The following MAP2 variants were observed in gnomAD, a reference collection of about 807,000 sequenced individuals.
The protein encoded by MAP2 is microtubule-associated protein 2.
A neutral mutation model predicts 137.6 loss-of-function variants in MAP2; 14 were observed. That is an observed-to-expected ratio of 0.10 (90% confidence interval 0.07 to 0.16). MAP2 has a LOEUF of 0.16. Among genes scored for constraint, MAP2 ranks in the 10% least tolerant of loss-of-function variants. The pLI, the probability that MAP2 is intolerant of heterozygous loss-of-function variation, is 1.00. For missense variants in MAP2, 2,088 were observed against 2,191.5 expected, an observed-to-expected ratio of 0.95 and a Z score of 0.94; for synonymous variants, 786 against 782.3, an observed-to-expected ratio of 1.00 and a Z score of -0.08.
At chr2:209,718,749 A>C (rs572497052) in intron 13 of MAP2, among the ~76,000 whole-genome samples, 2 of 152,340 alleles carry the variant, frequency 1.3e-5, no homozygotes, top group Admixed American at 1.3e-4. Context: ...ATGTGTATTT[A>C]AATATACATA....
At chr2:209,615,647 G>A (rs2088989126) in intron 3 of MAP2, among the ~76,000 whole-genome samples, 2 of 152,142 alleles carry the variant, frequency 1.3e-5, no homozygotes, top group Non-Finnish European at 2.9e-5. Context: ...GTGGCAGGAG[G>A]CAGCCAAATG....
intron 13 of MAP2, among the ~76,000 whole-genome samples, chr2:209,717,484 G>C (rs956680370): frequency 6.6e-6 from 1 of 152,094 alleles, no homozygotes; most frequent in African/African-American, 2.4e-5. Flanking sequence ...CGGATTATTT[G>C]TAGGCCCTTT....
chr2:209,549,446 A>G (rs898114715), intron 2 of MAP2, among the ~76,000 whole-genome samples: 3 of 152,168 alleles, frequency 2.0e-5, no homozygotes, highest in Admixed American at 6.5e-5. Context: ...TGTTTATTGA[A>G]ATCCTCTCTA....
chr2:209,685,687 C>CT (rs1457821938), intron 7 of MAP2, among the ~76,000 whole-genome samples: 2 of 152,080 alleles, frequency 1.3e-5, no homozygotes, highest in Non-Finnish European at 2.9e-5. Flanking sequence ...TTGTGTTGTT[C>CT]TTTTTGTTGT....
chr2:209,703,122 T>C (rs2062259586), intron 11 of MAP2, among the ~76,000 whole-genome samples: 1 of 152,100 alleles, frequency 6.6e-6, no homozygotes, highest in Non-Finnish European at 1.5e-5. Flanking sequence ...TTTTCAGTCC[T>C]GACTTTCCTT....
At chr2:209,487,897 A>G (rs1360639782) in intron 1 of MAP2, among the ~76,000 whole-genome samples, 1 of 152,246 alleles carries the variant, frequency 6.6e-6, no homozygotes, top group East Asian at 1.9e-4. Context: ...AAGGAAAAAC[A>G]AAAGGAACTT....
intron 2 of MAP2, among the ~76,000 whole-genome samples, chr2:209,577,393 C>A (rs1233221695): frequency 6.6e-6 from 1 of 151,044 alleles, no homozygotes; most frequent in Non-Finnish European, 1.5e-5. Flanking sequence ...TTTTAGACAT[C>A]AAAAAAAGCA....
Position 209,638,345 on chromosome 2 carries a change from G to C in MAP2, c.-30+13216G>C, listed in dbSNP as rs140358944. On this transcript the variant is annotated intron_variant, in intron 4 of 15. Transcript: ENST00000682079. ...GAATTTCAGATGACAAGGATTCTCT[G>C]TATGCTTCCTTTTGGCCCAACTCAA... Among the ~76,000 whole-genome samples, 226 of 152,198 alleles carry C rather than the reference G, an allele frequency of 1.5e-3. 1 individual carries two copies. The highest frequency in any genetic ancestry group is 5.3e-3 in the African/African-American group (219 of 41,556).
intron 1 of MAP2, among the ~76,000 whole-genome samples, chr2:209,461,899 T>A (rs181627182): frequency 1.3e-5 from 2 of 152,200 alleles, no homozygotes; most frequent in Non-Finnish European, 2.9e-5. Flanking sequence ...GAATTTCCCT[T>A]TTTCTTCTGA....
intron 1 of MAP2, among the ~76,000 whole-genome samples, chr2:209,459,488 A>G (rs763946787): frequency 6.6e-6 from 1 of 152,190 alleles, no homozygotes; most frequent in Non-Finnish European, 1.5e-5. Flanking sequence ...CCTAAAGTTA[A>G]AGATCCAGGA....
chr2:209,706,906 C>A (rs993482686), intron 12 of MAP2, among the ~76,000 whole-genome samples: 1 of 151,996 alleles, frequency 6.6e-6, no homozygotes, highest in Non-Finnish European at 1.5e-5. Context: ...GTATTAGCAT[C>A]CTTTGAAATA....
chr2:209,726,224 G>T (rs1321980153), intron 14 of MAP2, among the ~76,000 whole-genome samples: 2 of 152,004 alleles, frequency 1.3e-5, no homozygotes, highest in South Asian at 2.1e-4. Context: ...GTATTTATCT[G>T]GTGAATTTCT....
chr2:209,593,791 AT>A (rs1425469627), intron 3 of MAP2, among the ~76,000 whole-genome samples: 5 of 150 alleles, frequency 0.033, no homozygotes, highest in Non-Finnish European at 0.2. Flanking sequence ...ATTATATTAT[AT>A]TATATATAAT....
At position 209,516,265 on chromosome 2, in the gene MAP2, G is replaced by A. The variant is rs186256299; in HGVS notation, c.-172+8624G>A. 1.3e-3 allele frequency among the ~76,000 whole-genome samples: 186 copies of A among 144,442 alleles called. 1 individual carries two copies. Among genetic ancestry groups the A allele is most frequent in the African/African-American group, 4.8e-3 (173 of 35,860 alleles). 94.8% of individuals were successfully genotyped at this position (144,442 alleles called of 152,430 possible). A position where few individuals can be genotyped will look rare whatever the true frequency, so the allele number is the denominator to read the frequency against. ...GTGATGGCTTAAACTATAAGATATTGATCTTCAGAATGATAAAGAGAGTGG... is the reference window on the plus strand; with the variant it reads ...GTGATGGCTTAAACTATAAGATATTAATCTTCAGAATGATAAAGAGAGTGG... On this transcript the variant is annotated intron_variant, in intron 2 of 15. Coordinates refer to ENST00000682079, the MANE Select transcript of MAP2 (RefSeq NM_001375505.1).
chr2:209,687,943 C>T (rs2057590724), intron 7 of MAP2, among the ~76,000 whole-genome samples: 1 of 152,138 alleles, frequency 6.6e-6, no homozygotes, highest in South Asian at 2.1e-4. Context: ...TGCAGAGGCC[C>T]ACTTAGGCCA....
At chr2:209,632,466 G>A (rs1435610663) in intron 4 of MAP2, among the ~76,000 whole-genome samples, 5 of 152,026 alleles carry the variant, frequency 3.3e-5, no homozygotes, top group Non-Finnish European at 5.9e-5. Context: ...AAGAAAGAAC[G>A]AACAACAAAA....
chr2:209,544,031 C>T (rs912560046), intron 2 of MAP2, among the ~76,000 whole-genome samples: 5 of 152,096 alleles, frequency 3.3e-5, no homozygotes, highest in African/African-American at 1.2e-4. Flanking sequence ...AGATCGAGAC[C>T]ATCTTGGCTA....
At chr2:209,704,591 C>A (rs765585941) in intron 11 of MAP2, 4 of 1,605,296 alleles carry the variant, frequency 2.5e-6, no homozygotes, top group Non-Finnish European at 3.4e-6. Flanking sequence ...CTCCACAGAC[C>A]GTTTGCCATA....
chr2:209,455,049 T>C (rs1701213828), intron 1 of MAP2, among the ~76,000 whole-genome samples: 1 of 152,160 alleles, frequency 6.6e-6, no homozygotes, highest in East Asian at 1.9e-4. Flanking sequence ...CGTCTCTTCT[T>C]ATGAGGGCAC....
Sources: gnomAD v4.1 joint callset for allele counts (sites outside exome capture counted in the v4.1 genomes callset) on GRCh38, gnomAD v4.1.1 for gene constraint, MANE v1.5 for transcripts, NCBI Gene and HGNC (gene_info 2026-07-23, HGNC 2026-07-21) for gene names.